Variants in CCDC7 observed in about 807,000 individuals in gnomAD.
CCDC7 encodes coiled-coil domain containing 7.
Under a neutral mutation model 196.9 loss-of-function variants are expected in CCDC7, and 183 were observed. The ratio of observed to expected loss-of-function variants is 0.93; its 90% CI spans 0.82 to 1.05. The LOEUF (loss-of-function observed/expected upper bound fraction) is 1.05. CCDC7 is among the 50% of genes least tolerant of loss of function. CCDC7 has a pLI of 0.00. For synonymous variants in CCDC7, 525 were observed against 484.6 expected, an observed-to-expected ratio of 1.08 and a Z score of -1.10; for missense variants, 1,540 against 1,482.2, an observed-to-expected ratio of 1.04 and a Z score of -0.64.
Position 32,543,392 on chromosome 10 carries a change from CAT to C in CCDC7, c.1079+9_1079+10del. On this transcript the variant is annotated splice_region_variant and intron_variant, in intron 12 of 41. Coordinates refer to ENST00000639629, the Ensembl canonical transcript of CCDC7. ...AATCTGAGGATTCAGAAAAGTAAGA[CAT>C]AAAGATACATGTTAATCTTTTTTTC... 7.4e-7 allele frequency: 1 copy of C among 1,342,412 alleles called. No individual in the cohort carries two copies. Among genetic ancestry groups the C allele is most frequent in the African/African-American group, 1.5e-5 (1 of 65,904 alleles). The allele number at this position is 1,342,412 out of a possible 1,614,324, so 83.2% of individuals were successfully genotyped here.
chr10:32,685,155 T>C (rs1292715578), intron 21 of CCDC7, among the ~76,000 whole-genome samples: 1 of 151,986 alleles, frequency 6.6e-6, no homozygotes, highest in African/African-American at 2.4e-5. Context: ...TTTCTTTCTT[T>C]TTTTTAATCC....
At chr10:32,870,242 C>T (rs1455857523) in intron 41 of CCDC7, among the ~76,000 whole-genome samples, 1 of 152,066 alleles carries the variant, frequency 6.6e-6, no homozygotes, top group Non-Finnish European at 1.5e-5. Context: ...ATGGAATGTT[C>T]TTCCATTTGT....
chr10:32,668,342 C>T (rs866253845), intron 21 of CCDC7, among the ~76,000 whole-genome samples: 14 of 152,078 alleles, frequency 9.2e-5, no homozygotes, highest in South Asian at 2.1e-4. Flanking sequence ...TCCTCTTTTC[C>T]TAATTGAATA....
At chr10:32,828,461 A>AGAAGAAGAGGAAGAG in intron 32 of CCDC7, among the ~76,000 whole-genome samples, 2 of 70,848 alleles carry the variant, frequency 2.8e-5, no homozygotes, top group Middle Eastern at 6.8e-3. Flanking sequence ...AAGAAGAAGA[A>AGAAGAAGAGGAAGAG]GAAGAGGAAG....
At chr10:32,844,674 A>G (rs543980514) in intron 33 of CCDC7, among the ~76,000 whole-genome samples, 1 of 151,886 alleles carries the variant, frequency 6.6e-6, no homozygotes, top group Non-Finnish European at 1.5e-5. Context: ...TCAGTGGTTA[A>G]GGAATTATAA....
intron 32 of CCDC7, among the ~76,000 whole-genome samples, chr10:32,828,473 G>A (rs866009163): frequency 0.023 from 1,004 of 44,460 alleles, 5 homozygotes; most frequent in East Asian, 0.062. Flanking sequence ...AAGAGGAAGA[G>A]GAAGAGGAAG....
At chr10:32,615,693 C>G (rs1247040739) in intron 18 of CCDC7, among the ~76,000 whole-genome samples, 1 of 151,990 alleles carries the variant, frequency 6.6e-6, no homozygotes, top group Non-Finnish European at 1.5e-5. Flanking sequence ...TCCCATATGT[C>G]TATTTTCATT....
At chr10:32,540,898 C>T (rs558459749) in intron 11 of CCDC7, among the ~76,000 whole-genome samples, 34 of 152,134 alleles carry the variant, frequency 2.2e-4, no homozygotes, top group African/African-American at 7.5e-4. Flanking sequence ...GTATATTTCC[C>T]GGATTTGAAT....
chr10:32,670,689 A>G (rs2073888211), intron 21 of CCDC7, among the ~76,000 whole-genome samples: 1 of 151,750 alleles, frequency 6.6e-6, no homozygotes, highest in Admixed American at 6.6e-5. Flanking sequence ...ATGATTTCCA[A>G]TTTCATCCAT....
chr10:32,876,107 CG>C (rs2094589841), intron 41 of CCDC7, among the ~76,000 whole-genome samples: 1 of 151,938 alleles, frequency 6.6e-6, no homozygotes, highest in African/African-American at 2.4e-5. Flanking sequence ...GTTGTCTGAG[CG>C]ATTCTGTTGC....
intron 31 of CCDC7, among the ~76,000 whole-genome samples, chr10:32,815,163 G>A (rs1311679374): frequency 1.3e-5 from 2 of 152,044 alleles, no homozygotes; most frequent in East Asian, 3.9e-4. Context: ...TATCTAAATT[G>A]TCCATATTTT....
chr10:32,634,364 G>A, exon 19 of CCDC7: 7 of 1,090,450 alleles, frequency 6.4e-6, no homozygotes, highest in Non-Finnish European at 8.1e-6. Flanking sequence ...AAGACATGAG[G>A]GTAAGTATAA....
At chr10:32,770,072 G>T (rs1465324964) in intron 28 of CCDC7, among the ~76,000 whole-genome samples, 1 of 152,132 alleles carries the variant, frequency 6.6e-6, no homozygotes, top group African/African-American at 2.4e-5. Flanking sequence ...TTCCACAATG[G>T]TTGAACTAAT....
intron 18 of CCDC7, among the ~76,000 whole-genome samples, chr10:32,593,514 T>C (rs2059992874): frequency 1.3e-5 from 2 of 152,236 alleles, no homozygotes. Flanking sequence ...TTCACTCTGA[T>C]GATAGTTTCT....
At chr10:32,593,680 A>C (rs527322688) in intron 18 of CCDC7, among the ~76,000 whole-genome samples, 1 of 152,278 alleles carries the variant, frequency 6.6e-6, no homozygotes, top group South Asian at 2.1e-4. Flanking sequence ...TTATGGTTTC[A>C]GGTCTAACAT....
chr10:32,485,352 AT>A (rs1564418514), intron 8 of CCDC7, among the ~76,000 whole-genome samples: 1 of 152,164 alleles, frequency 6.6e-6, no homozygotes, highest in African/African-American at 2.4e-5. Flanking sequence ...CCCCTTTATC[AT>A]TTTTTATTGC....
At chr10:32,679,696 A>G (rs2075569227) in intron 21 of CCDC7, among the ~76,000 whole-genome samples, 1 of 152,208 alleles carries the variant, frequency 6.6e-6, no homozygotes, top group South Asian at 2.1e-4. Flanking sequence ...TCATCTGTGC[A>G]TCAACAGAGC....
chr10:32,612,128 C>T (rs2062216752), intron 18 of CCDC7, among the ~76,000 whole-genome samples: 1 of 152,132 alleles, frequency 6.6e-6, no homozygotes, highest in Non-Finnish European at 1.5e-5. Context: ...TTGAAGAGGT[C>T]CGTCACATCC....
At chr10:32,621,348 T>C (rs922778351) in intron 18 of CCDC7, among the ~76,000 whole-genome samples, 2 of 152,206 alleles carry the variant, frequency 1.3e-5, no homozygotes, top group Admixed American at 1.3e-4. Context: ...TCCCAATTCA[T>C]GTCCCAGATA....
Sources: allele counts gnomAD v4.1 joint callset (sites outside exome capture counted in the v4.1 genomes callset), GRCh38; gene constraint gnomAD v4.1.1; transcripts MANE v1.5; gene names NCBI Gene and HGNC (gene_info 2026-07-23, HGNC 2026-07-21).